Variants in CNGB3 observed in about 807,000 individuals in gnomAD.
The protein encoded by CNGB3 is cyclic nucleotide-gated channel beta-3.
Under a neutral mutation model 92.8 loss-of-function variants are expected in CNGB3, and 86 were observed. That is an observed-to-expected ratio of 0.93 (90% CI 0.78 to 1.11). The LOEUF (loss-of-function observed/expected upper bound fraction) is 1.11, where lower values mean the gene tolerates loss of function less well. CNGB3 is among the 50% of genes least tolerant of loss of function. The pLI is 0.00. For synonymous variants in CNGB3, 333 were observed against 332.7 expected, an observed-to-expected ratio of 1.00 and a Z score of -0.01; for missense variants, 1,026 against 956.8, an observed-to-expected ratio of 1.07 and a Z score of -0.95.
chr8:86,648,425 T>G (rs1823331864), intron 7 of CNGB3, among the ~76,000 whole-genome samples: 1 of 151,220 alleles, frequency 6.6e-6, no homozygotes, highest in Non-Finnish European at 1.5e-5. Context: ...TAAAAGTATC[T>G]ATCAGAGCCT....
intron 15 of CNGB3, among the ~76,000 whole-genome samples, chr8:86,590,709 G>A (rs1040290098): frequency 7.3e-4 from 103 of 141,022 alleles, no homozygotes; most frequent in Admixed American, 1.4e-3. Context: ...TGAGAGATCC[G>A]CTGTTAGTCT....
chr8:86,643,494 T>A (rs1288290303), intron 10 of CNGB3, among the ~76,000 whole-genome samples: 4 of 151,402 alleles, frequency 2.6e-5, no homozygotes, highest in African/African-American at 9.7e-5. Flanking sequence ...TGATCAAAAT[T>A]TTTAGCTCCC....
chr8:86,689,762 C>A (rs1824269468), intron 3 of CNGB3, among the ~76,000 whole-genome samples: 1 of 150,458 alleles, frequency 6.6e-6, no homozygotes, highest in Non-Finnish European at 1.5e-5. Context: ...CTTCCTGTGT[C>A]CAAGTGTTCT....
intron 6 of CNGB3, among the ~76,000 whole-genome samples, chr8:86,665,463 C>T (rs1172008943): frequency 1.5e-4 from 23 of 152,174 alleles, no homozygotes; most frequent in Non-Finnish European, 1.5e-5. Context: ...AAGACACATG[C>T]ACCTGCATGT....
chr8:86,732,591 T>C (rs988000669), intron 2 of CNGB3, among the ~76,000 whole-genome samples: 1 of 152,184 alleles, frequency 6.6e-6, no homozygotes, highest in African/African-American at 2.4e-5. Context: ...GCTCCAGTTA[T>C]CCATAAGTTT....
intron 3 of CNGB3, among the ~76,000 whole-genome samples, chr8:86,715,441 C>T (rs67222613): frequency 0.3 from 45,041 of 151,776 alleles, 7,114 homozygotes; most frequent in East Asian, 0.4. Context: ...CCCAGAAGGG[C>T]AAAAACAATC....
At chr8:86,644,089 G>GA (rs1823245351) in intron 9 of CNGB3, among the ~76,000 whole-genome samples, 1 of 148,818 alleles carries the variant, frequency 6.7e-6, no homozygotes, top group African/African-American at 2.5e-5. Context: ...AAAAAAAAAA[G>GA]AAAAAGAAAA....
rs1345105706 is a variant in CNGB3 at position 86,659,398 on chromosome 8, C to T, written c.853-5336G>A. The T allele has an allele frequency of 1.5e-5, 11 of 743,796 alleles. No homozygotes were observed. In the East Asian group the frequency reaches 2.2e-4, roughly 15 times the overall value. The allele number at this position is 743,796 out of a possible 1,614,324, so 46.1% of individuals were successfully genotyped here. A position where few individuals can be genotyped will look rare whatever the true frequency, so the allele number is the denominator to read the frequency against. ...GAGGACTATTGAAGCAGGAGCTTGG[C>T]CTCTCCAGCTTCTTTTGCAGATCCT... On this transcript the variant is annotated intron_variant, in intron 6 of 17. Transcript: ENST00000320005.
chr8:86,659,395 T>C (rs1823586316), intron 6 of CNGB3: 4 of 757,384 alleles, frequency 5.3e-6, no homozygotes, highest in Non-Finnish European at 9.6e-6. Context: ...AGCAGGAGCT[T>C]GGCCTCTCCA....
At chr8:86,657,248 C>A (rs759887314) in intron 6 of CNGB3, 6 of 213,092 alleles carry the variant, frequency 2.8e-5, no homozygotes, top group Non-Finnish European at 4.7e-5. Flanking sequence ...ACTTGTTTGT[C>A]TCCCCCCATC....
rs759746961 is a variant in CNGB3 at position 86,632,821 on chromosome 8, TA to T, written c.1250del (p.Leu417TyrfsTer9). On this transcript the variant is annotated frameshift_variant, in exon 11 of 18. Transcript: ENST00000320005. LOFTEE classifies it high-confidence loss of function. ...TIGGLPEPQT[L>X]FEIVFQLLNF... ...TCAAGAGTTGAAAAACAATTTCAAA[TA>T]AAGTTTGTGGTTCTGGAAGGCCACC... is the stretch of plus-strand genomic sequence containing the variant. 2.5e-6 allele frequency: 4 copies of T among 1,612,758 alleles called. No homozygotes were observed. Among genetic ancestry groups the T allele is most frequent in the Non-Finnish European group, 1.7e-6 (2 of 1,179,794 alleles).
chr8:86,599,437 A>G (rs977660434), intron 15 of CNGB3, among the ~76,000 whole-genome samples: 1 of 152,218 alleles, frequency 6.6e-6, no homozygotes, highest in African/African-American at 2.4e-5. Context: ...GATAACAGCA[A>G]TGTTCAGGGA....
chr8:86,643,967 C>G, intron 9 of CNGB3, 94 bp from the exon 10 acceptor site: 2 of 1,398,070 alleles, frequency 1.4e-6, no homozygotes, highest in Non-Finnish European at 2.0e-6. Flanking sequence ...ACCAGCGAAC[C>G]CCTTGCTTTG....
At chr8:86,695,178 C>CGCAGGCACTCG (rs1281927377) in intron 3 of CNGB3, among the ~76,000 whole-genome samples, 7 of 152,004 alleles carry the variant, frequency 4.6e-5, no homozygotes, top group South Asian at 4.1e-4. Flanking sequence ...CGCCTGCAAT[C>CGCAGGCACTCG]GCAGGCACTC....
intron 13 of CNGB3, among the ~76,000 whole-genome samples, chr8:86,625,279 A>G (rs1435245819): frequency 6.6e-6 from 1 of 152,072 alleles, no homozygotes; most frequent in Non-Finnish European, 1.5e-5. Context: ...TTGAGTAAGT[A>G]TTTGTTTTCA....
intron 6 of CNGB3, among the ~76,000 whole-genome samples, chr8:86,655,922 A>G (rs1485739372): frequency 1.3e-5 from 2 of 152,238 alleles, no homozygotes; most frequent in East Asian, 3.8e-4. Flanking sequence ...ACTTGGACAC[A>G]TGGAAGTAGC....
chr8:86,626,093 A>G lies in CNGB3; in HGVS notation c.1481-13T>C. The G allele has an allele frequency of 6.4e-7, 1 of 1,555,154 alleles. No homozygotes were observed. Among genetic ancestry groups the G allele is most frequent in the Non-Finnish European group, 8.9e-7 (1 of 1,126,920 alleles). On this transcript the variant is annotated splice_polypyrimidine_tract_variant and intron_variant, in intron 12 of 17. Transcript: ENST00000320005. Reference sequence around the variant, plus strand: ...AAATCAGACTCATCTTTATAAAGATAAACACATCAAACCCCGATGCAGAAT... The same window carrying G: ...AAATCAGACTCATCTTTATAAAGATGAACACATCAAACCCCGATGCAGAAT...
At chr8:86,667,752 C>T (rs776826599) in intron 5 of CNGB3, among the ~76,000 whole-genome samples, 3 of 152,174 alleles carry the variant, frequency 2.0e-5, no homozygotes, top group Non-Finnish European at 2.9e-5. Context: ...GCACATATTG[C>T]GGAGTGCTTT....
intron 3 of CNGB3, among the ~76,000 whole-genome samples, chr8:86,682,732 G>A (rs1824106114): frequency 6.6e-6 from 1 of 152,256 alleles, no homozygotes; most frequent in Middle Eastern, 3.4e-3. Context: ...AAGAACGTCC[G>A]AGTCAATAAT....
Sources: gnomAD v4.1 joint callset for allele counts (sites outside exome capture counted in the v4.1 genomes callset) on GRCh38, gnomAD v4.1.1 for gene constraint, MANE v1.5 for transcripts, NCBI Gene and HGNC (gene_info 2026-07-23, HGNC 2026-07-21) for gene names.